Variants in ST3GAL3 observed in about 807,000 individuals in gnomAD.
The protein encoded by ST3GAL3 is CMP-N-acetylneuraminate-beta-1,4-galactoside alpha-2,3-sialyltransferase.
ST3GAL3 carries 21 observed loss-of-function variants against 50.1 expected under a neutral mutation model. The ratio of observed to expected loss-of-function variants is 0.42; its 90% CI spans 0.30 to 0.60. ST3GAL3 has a LOEUF of 0.60. Among genes scored for constraint, ST3GAL3 ranks in the 20% least tolerant of loss-of-function variants. ST3GAL3 has a pLI of 0.19. For missense variants in ST3GAL3, 353 were observed against 489.4 expected (o/e 0.72, Z 2.63); for synonymous variants, 183 against 190.0 (o/e 0.96, Z 0.30).
intron 1 of ST3GAL3, among the ~76,000 whole-genome samples, chr1:43,723,719 C>A (rs1342841291): frequency 6.6e-6 from 1 of 152,130 alleles, no homozygotes; most frequent in African/African-American, 2.4e-5. Context: ...TCAAGTGATT[C>A]TCCTGTCTCA....
chr1:43,761,344 T>A (rs1225865632), intron 2 of ST3GAL3, among the ~76,000 whole-genome samples: 1 of 151,906 alleles, frequency 6.6e-6, no homozygotes, highest in Non-Finnish European at 1.5e-5. Flanking sequence ...GAAATATGAA[T>A]GTAGTTTGAG....
In ST3GAL3 at chr1:43,814,990, G is replaced by A; in HGVS notation, c.209+57G>A. ...TGGCAGAGAGGTCTGTGAGAGCTGGGTCTCACTTTGAAGGGTCAGCTCTCA... is the reference window on the plus strand; with the variant it reads ...TGGCAGAGAGGTCTGTGAGAGCTGGATCTCACTTTGAAGGGTCAGCTCTCA... On this transcript the variant is annotated intron_variant, in intron 4 of 11. Coordinates refer to ENST00000347631, the MANE Select transcript of ST3GAL3 (RefSeq NM_006279.5). 2.6e-6 allele frequency: 4 copies of A among 1,546,194 alleles called. No homozygotes were observed. In the South Asian group the frequency reaches 3.3e-5, roughly 13 times the overall value.
chr1:43,855,609 C>CA lies in ST3GAL3; in HGVS notation c.302+17309dup, dbSNP rs34587643. ...TGAGCGACAGAGCAAGACTCTGTCTCAAAAAAAAAAATTAAATTAAATTTA... is the reference window on the plus strand; with the variant it reads ...TGAGCGACAGAGCAAGACTCTGTCTCAAAAAAAAAAAATTAAATTAAATTTA... On this transcript the variant is annotated intron_variant, in intron 5 of 11. Coordinates refer to ENST00000347631, the MANE Select transcript of ST3GAL3 (RefSeq NM_006279.5). 6.1e-3 allele frequency among the ~76,000 whole-genome samples: 726 copies of CA among 118,254 alleles called. 6 individuals are homozygous for CA. The highest frequency in any genetic ancestry group is 0.023 in the South Asian group (88 of 3,884). The allele number at this position is 118,254 out of a possible 152,430, so 77.6% of individuals were successfully genotyped here.
chr1:43,899,613 C>T lies in ST3GAL3; in HGVS notation c.630C>T (p.Pro210=), dbSNP rs763641682. The change falls in exon 9 of 12, where the codon CCC becomes CCT. Residue 210 remains proline, a synonymous_variant. Transcript: ENST00000347631. The surrounding 1 kb of genome is among the most constrained non-coding windows in gnomAD (Gnocchi z 5.4). ...AAACGACACTGCGCATCACCTACCCCGAGGGCGCCATGCAGCGGCCTGAGC... is the reference window on the plus strand; with the variant it reads ...AAACGACACTGCGCATCACCTACCCTGAGGGCGCCATGCAGCGGCCTGAGC... ...GSKTTLRITY[P]EGAMQRPEQY... 9.3e-6 allele frequency: 15 copies of T among 1,614,132 alleles called. No individual in the cohort carries two copies. The highest frequency in any genetic ancestry group is 4.5e-5 in the East Asian group (2 of 44,876).
chr1:43,838,127 A>AG, intron 4 of ST3GAL3, 92 bp from the exon 5 acceptor site: 1 of 718,126 alleles, frequency 1.4e-6, no homozygotes, highest in East Asian at 3.4e-5. Flanking sequence ...AAAAAAAAAA[A>AG]AAAGGGTTAA....
At chr1:43,857,538 C>T (rs984179454) in intron 5 of ST3GAL3, among the ~76,000 whole-genome samples, 4 of 133,656 alleles carry the variant, frequency 3.0e-5, no homozygotes, top group Non-Finnish European at 6.5e-5. Flanking sequence ...TCCTTCCCTC[C>T]CTCCCTCCCT....
At chr1:43,747,386 TG>T (rs1358380084) in intron 2 of ST3GAL3, among the ~76,000 whole-genome samples, 1 of 151,748 alleles carries the variant, frequency 6.6e-6, no homozygotes, top group African/African-American at 2.4e-5. Flanking sequence ...CACTCCAGTC[TG>T]GGTGACAGAG....
intron 9 of ST3GAL3, among the ~76,000 whole-genome samples, chr1:43,902,269 C>A (rs1401670072): frequency 3.3e-5 from 5 of 152,212 alleles, no homozygotes; most frequent in Non-Finnish European, 7.3e-5. Flanking sequence ...GCTCTGTGTT[C>A]TGGAGCCAAG....
chr1:43,927,680 C>T (rs1177142185), intron 11 of ST3GAL3, among the ~76,000 whole-genome samples: 2 of 152,208 alleles, frequency 1.3e-5, no homozygotes, highest in Non-Finnish European at 2.9e-5. Flanking sequence ...CTGTGCCTAA[C>T]AGTCCCTACC....
At chr1:43,850,478 G>C in intron 5 of ST3GAL3, 1 of 611,390 alleles carries the variant, frequency 1.6e-6, no homozygotes, top group Non-Finnish European at 3.1e-6. Flanking sequence ...TGTGGATAAA[G>C]TGGGCTACCT....
chr1:43,843,195 A>G (rs3011220), intron 5 of ST3GAL3, among the ~76,000 whole-genome samples: 81,462 of 152,158 alleles, frequency 0.54, 26,110 homozygotes, highest in Non-Finnish European at 0.72. Flanking sequence ...TTTCACCATT[A>G]TGGTGTTAGC....
chr1:43,802,276 A>G (rs542752316), intron 3 of ST3GAL3, among the ~76,000 whole-genome samples: 3 of 152,354 alleles, frequency 2.0e-5, no homozygotes, highest in Admixed American at 2.0e-4. Flanking sequence ...ACAAAAATAT[A>G]AAATCATTTT....
chr1:43,791,994 C>A, intron 2 of ST3GAL3, 108 bp from the exon 3 acceptor site: 1 of 1,332,584 alleles, frequency 7.5e-7, no homozygotes, highest in Non-Finnish European at 1.1e-6. Context: ...CGACTGAGTT[C>A]CCTTCCAGTT....
At chr1:43,747,811 C>A (rs7551551) in intron 2 of ST3GAL3, among the ~76,000 whole-genome samples, 34,971 of 151,726 alleles carry the variant, frequency 0.23, 4,803 homozygotes, top group Non-Finnish European at 0.31. Context: ...AACCTCCTAA[C>A]CTCAGGTGAT....
intron 5 of ST3GAL3, among the ~76,000 whole-genome samples, chr1:43,843,989 ATCCCC>A (rs1405921127): frequency 6.6e-6 from 1 of 152,230 alleles, no homozygotes; most frequent in Non-Finnish European, 1.5e-5. Flanking sequence ...TTCCAAGACC[ATCCCC>A]TCTTGGGTTT....
intron 5 of ST3GAL3, among the ~76,000 whole-genome samples, chr1:43,872,972 C>G (rs1338890751): frequency 2.6e-5 from 4 of 151,954 alleles, no homozygotes; most frequent in Non-Finnish European, 5.9e-5. Flanking sequence ...GAGGTGGGAT[C>G]CAAATGCAGG....
At chr1:43,811,961 C>T (rs996713133) in intron 3 of ST3GAL3, among the ~76,000 whole-genome samples, 1 of 152,090 alleles carries the variant, frequency 6.6e-6, no homozygotes, top group African/African-American at 2.4e-5. Flanking sequence ...TTTGAAAATC[C>T]GCATCTTAGT....
intron 11 of ST3GAL3, among the ~76,000 whole-genome samples, chr1:43,923,997 A>C (rs6704464): frequency 0.013 from 2,014 of 152,144 alleles, 51 homozygotes; most frequent in African/African-American, 0.046. Flanking sequence ...CCCCACCTCC[A>C]AATTCCATTA....
chr1:43,715,589 A>AT (rs1666996495), intron 1 of ST3GAL3, among the ~76,000 whole-genome samples: 1 of 148,556 alleles, frequency 6.7e-6, no homozygotes, highest in African/African-American at 2.4e-5. Context: ...AAAAAAAAAA[A>AT]GTTCAGCCTG....
Sources: allele counts gnomAD v4.1 joint callset (sites outside exome capture counted in the v4.1 genomes callset), GRCh38; gene constraint gnomAD v4.1.1; non-coding constraint Gnocchi (gnomAD v3.1); transcripts MANE v1.5; gene names NCBI Gene and HGNC (gene_info 2026-07-23, HGNC 2026-07-21).